Variants in FCHSD2 observed in about 807,000 individuals in gnomAD.
FCHSD2 encodes F-BAR and double SH3 domains protein 2.
In FCHSD2, 38 loss-of-function variants were observed where a neutral mutation model predicts 108.1. That is an observed-to-expected ratio of 0.35 (90% CI 0.27 to 0.46). The LOEUF (loss-of-function observed/expected upper bound fraction) is 0.46. Among genes scored for constraint, FCHSD2 ranks in the 20% least tolerant of loss-of-function variants. The pLI is 1.00. For missense variants in FCHSD2, 751 were observed against 897.8 expected (o/e 0.84, Z 2.09); for synonymous variants, 279 against 314.7 (o/e 0.89, Z 1.20).
intron 8 of FCHSD2, among the ~76,000 whole-genome samples, chr11:72,953,274 A>G (rs1479102521): frequency 6.6e-6 from 1 of 152,152 alleles, no homozygotes; most frequent in Non-Finnish European, 1.5e-5. Flanking sequence ...ATCTCCAGAA[A>G]CCTACTGCTG....
intron 8 of FCHSD2, among the ~76,000 whole-genome samples, chr11:72,977,187 G>A (rs983109346): frequency 7.2e-5 from 11 of 152,206 alleles, no homozygotes; most frequent in Admixed American, 2.6e-4. Context: ...CTCCCAAAGC[G>A]CTGGGATTAC....
At chr11:72,982,858 G>A (rs1252660649) in intron 8 of FCHSD2, among the ~76,000 whole-genome samples, 1 of 152,028 alleles carries the variant, frequency 6.6e-6, no homozygotes, top group Admixed American at 6.6e-5. Context: ...AAAAATCTAA[G>A]TTTTTTTAGA....
chr11:73,059,956 T>TA (rs1267609510), intron 3 of FCHSD2, among the ~76,000 whole-genome samples: 1 of 152,228 alleles, frequency 6.6e-6, no homozygotes, highest in East Asian at 1.9e-4. Context: ...GTTTACATGG[T>TA]CATCAGTACA....
chr11:72,902,935 AG>A (rs1459320479), intron 9 of FCHSD2, among the ~76,000 whole-genome samples: 1 of 152,152 alleles, frequency 6.6e-6, no homozygotes, highest in Admixed American at 6.5e-5. Context: ...TTACACAAAA[AG>A]CTATTCTGTG....
intron 3 of FCHSD2, among the ~76,000 whole-genome samples, chr11:73,053,245 G>T (rs1429187693): frequency 1.4e-5 from 2 of 138,350 alleles, no homozygotes; most frequent in Non-Finnish European, 3.1e-5. Flanking sequence ...TTACAAATTT[G>T]ATAAAAACAT....
chr11:72,962,026 T>C (rs560547166), intron 8 of FCHSD2, among the ~76,000 whole-genome samples: 11 of 152,338 alleles, frequency 7.2e-5, no homozygotes, highest in African/African-American at 2.6e-4. Flanking sequence ...AACCTAAGAA[T>C]TCCATTGAAA....
chr11:73,084,054 T>C (rs540176923), intron 2 of FCHSD2, among the ~76,000 whole-genome samples: 138 of 152,334 alleles, frequency 9.1e-4, no homozygotes, highest in Admixed American at 2.5e-3. Flanking sequence ...TTATAAAATT[T>C]AGTTACTTGA....
At chr11:73,072,446 G>A (rs1859459784) in intron 3 of FCHSD2, among the ~76,000 whole-genome samples, 1 of 151,912 alleles carries the variant, frequency 6.6e-6, no homozygotes, top group Non-Finnish European at 1.5e-5. Flanking sequence ...CTTTAATGAA[G>A]TTTTTAAAAA....
Position 72,954,196 on chromosome 11 carries a change from A to AATTT in FCHSD2, c.705+29891_705+29892insAAAT, listed in dbSNP as rs1565339614. The stretch of plus-strand genomic sequence containing the variant: ...TAGAATATTAGCAGTAGATGTGGGG[A>AATTT]TTTTTTTTTTTTTTTTTTTTTTTTT... On this transcript the variant is annotated intron_variant, in intron 8 of 19. Coordinates refer to ENST00000409418, the MANE Select transcript of FCHSD2 (RefSeq NM_014824.3). 1.6e-4 allele frequency among the ~76,000 whole-genome samples: 18 copies of AATTT among 111,700 alleles called. 8 individuals are homozygous for AATTT. The highest frequency in any genetic ancestry group is 2.1e-4 in the Admixed American group (2 of 9,536). 73.3% of individuals were successfully genotyped at this position (111,700 alleles called of 152,430 possible).
chr11:72,948,214 G>C (rs1323358320), intron 8 of FCHSD2, among the ~76,000 whole-genome samples: 2 of 152,078 alleles, frequency 1.3e-5, no homozygotes, highest in African/African-American at 4.8e-5. Context: ...TGCCATGTTG[G>C]CCAGGCTGGT....
At chr11:73,115,291 G>C (rs1012767090) in intron 2 of FCHSD2, among the ~76,000 whole-genome samples, 2 of 152,044 alleles carry the variant, frequency 1.3e-5, no homozygotes, top group African/African-American at 2.4e-5. Context: ...CCAGTGCCAG[G>C]GTATGGAAGA....
Position 72,841,461 on chromosome 11 carries a change from T to C in FCHSD2, c.2049A>G (p.Ser683=). 1 of 1,610,312 alleles carries C rather than the reference T, an allele frequency of 6.2e-7. No individual in the cohort carries two copies. Among genetic ancestry groups the C allele is most frequent in the Non-Finnish European group, 8.5e-7 (1 of 1,178,340 alleles). ...RSSLYFPRSP[S]ANEKSLHAES... ...GCCCAGGAGAACCCTTACCGTTTGC[T>C]GAAGGAGACCGGGGAAAGTACAGGG... Residue 683 remains serine, a synonymous_variant, in exon 18 of 20, where the codon TCA becomes TCG. Transcript: ENST00000409418.
intron 3 of FCHSD2, among the ~76,000 whole-genome samples, chr11:73,079,451 G>A (rs1409273820): frequency 6.6e-6 from 1 of 152,092 alleles, no homozygotes; most frequent in South Asian, 2.1e-4. Flanking sequence ...GCCCGCTTCA[G>A]CCTCCCAAAG....
intron 13 of FCHSD2, among the ~76,000 whole-genome samples, chr11:72,866,352 C>T (rs1854724523): frequency 6.6e-6 from 1 of 152,270 alleles, no homozygotes; most frequent in South Asian, 2.1e-4. Flanking sequence ...TCCCTGCAAC[C>T]TCTGCCTCCC....
At chr11:73,139,972 C>G in intron 2 of FCHSD2, 59 bp downstream of exon 2, 1 of 951,580 alleles carries the variant, frequency 1.1e-6, no homozygotes, top group Non-Finnish European at 1.5e-6. Context: ...GGCTTGGTAA[C>G]TCAAAGGTTC....
In FCHSD2 at chr11:72,911,279, T is replaced by G. The variant is rs145550076; in HGVS notation, c.829-8641A>C. Reference sequence around the variant, plus strand: ...CCAATGTATGTTCTTGACAACTTTGTCAAAAATGAGTTCACTGCAGATAGG... The same window carrying G: ...CCAATGTATGTTCTTGACAACTTTGGCAAAAATGAGTTCACTGCAGATAGG... On this transcript the variant is annotated intron_variant, in intron 9 of 19. Coordinates refer to ENST00000409418, the MANE Select transcript of FCHSD2 (RefSeq NM_014824.3). Among the ~76,000 whole-genome samples, 841 of 152,354 alleles carry G rather than the reference T, an allele frequency of 5.5e-3. 8 individuals carry two copies. The highest frequency in any genetic ancestry group is 0.019 in the African/African-American group (782 of 41,578).
At chr11:73,099,265 T>C (rs545097204) in intron 2 of FCHSD2, among the ~76,000 whole-genome samples, 1 of 148,206 alleles carries the variant, frequency 6.7e-6, no homozygotes, top group South Asian at 2.2e-4. Flanking sequence ...AGGATGGCTG[T>C]AAAACAACAC....
intron 3 of FCHSD2, among the ~76,000 whole-genome samples, chr11:73,079,009 G>A (rs981229580): frequency 2.0e-5 from 3 of 151,882 alleles, no homozygotes; most frequent in South Asian, 2.1e-4. Context: ...GTGCGCTACC[G>A]CACCTGGCCT....
intron 5 of FCHSD2, 26 bp downstream of exon 5, chr11:73,000,964 T>C (rs767403489): frequency 5.7e-6 from 9 of 1,573,940 alleles, no homozygotes; most frequent in East Asian, 4.5e-5. Flanking sequence ...TTAAAATGCA[T>C]ATAAGAACAG....
Sources: allele counts gnomAD v4.1 joint callset (sites outside exome capture counted in the v4.1 genomes callset), GRCh38; gene constraint gnomAD v4.1.1; transcripts MANE v1.5; gene names NCBI Gene and HGNC (gene_info 2026-07-23, HGNC 2026-07-21).